FHL2: variants seen among roughly 807,000 people sequenced by gnomAD.
The protein encoded by FHL2 is four and a half LIM domains protein 2.
A neutral mutation model predicts 32.7 loss-of-function variants in FHL2; 20 were observed. The observed-to-expected ratio is 0.61, with a 90% CI of 0.43 to 0.89. The LOEUF (loss-of-function observed/expected upper bound fraction) is 0.89. Among genes scored for constraint, FHL2 ranks in the 40% least tolerant of loss-of-function variants. The pLI, the probability that FHL2 is intolerant of heterozygous loss-of-function variation, is 0.00. For synonymous variants in FHL2, 123 were observed against 128.1 expected (o/e 0.96, Z 0.27); for missense variants, 311 against 358.6 (o/e 0.87, Z 1.07).
chr2:105,432,534 T>C (rs929436012), intron 1 of FHL2, among the ~76,000 whole-genome samples: 4 of 152,238 alleles, frequency 2.6e-5, no homozygotes, highest in African/African-American at 9.6e-5. Flanking sequence ...TATTACAGTT[T>C]CCTAGTAAGT....
intron 1 of FHL2, among the ~76,000 whole-genome samples, chr2:105,425,212 T>C (rs546084256): frequency 7.7e-6 from 1 of 130,612 alleles, no homozygotes; most frequent in African/African-American, 3.2e-5. Context: ...CACAAAAACA[T>C]GTGTTGTATA....
intron 5 of FHL2, among the ~76,000 whole-genome samples, chr2:105,364,011 C>A (rs1210538886): frequency 6.6e-6 from 1 of 152,294 alleles, no homozygotes; most frequent in Admixed American, 6.5e-5. Flanking sequence ...AATCTCAGGA[C>A]TTTGGGAGGC....
chr2:105,381,325 G>T (rs546542954), intron 3 of FHL2, among the ~76,000 whole-genome samples: 1 of 152,106 alleles, frequency 6.6e-6, no homozygotes, highest in Non-Finnish European at 1.5e-5. Flanking sequence ...CACTGTGTTG[G>T]CATGTCACAG....
At position 105,373,653 on chromosome 2, in the gene FHL2, G is replaced by C. The variant is rs940728208; in HGVS notation, c.237C>G (p.Pro79=). 1.2e-6 allele frequency: 2 copies of C among 1,614,228 alleles called. No individual in the cohort carries two copies. Among genetic ancestry groups the C allele is most frequent in the African/African-American group, 2.7e-5 (2 of 75,064 alleles). The change falls in exon 4 of 7, where the codon CCC becomes CCG. Residue 79 remains proline (P), a synonymous_variant. Transcript: ENST00000530340. ...SQCRNSLVDK[P]FAAKEDQLLC... is the part of the protein sequence containing the mutation. ...GCAGCTGGTCCTCCTTGGCAGCAAAGGGCTTGTCCACCAGTGAGTTTCTGC... is the reference window on the plus strand; with the variant it reads ...GCAGCTGGTCCTCCTTGGCAGCAAACGGCTTGTCCACCAGTGAGTTTCTGC...
chr2:105,411,922 C>T (rs1478542122), intron 1 of FHL2, among the ~76,000 whole-genome samples: 1 of 152,094 alleles, frequency 6.6e-6, no homozygotes, highest in African/African-American at 2.4e-5. Context: ...TGCTAAGTGA[C>T]TCATCCTCAC....
At chr2:105,402,531 G>A (rs757550649), upstream of FHL2, among the ~76,000 whole-genome samples, 6 of 151,994 alleles carry the variant, frequency 3.9e-5, no homozygotes, top group Non-Finnish European at 5.9e-5. Context: ...AGGCGTGGGC[G>A]ACCATGCCTG....
intron 3 of FHL2, among the ~76,000 whole-genome samples, chr2:105,381,872 T>C (rs6543289): frequency 0.73 from 110,212 of 151,822 alleles, 40,381 homozygotes; most frequent in Admixed American, 0.8. Flanking sequence ...CTGGAGTAGG[T>C]GCTCTTCCCA....
chr2:105,389,165 C>G (rs78356553), intron 2 of FHL2, among the ~76,000 whole-genome samples: 1,547 of 152,324 alleles, frequency 0.01, 34 homozygotes, highest in African/African-American at 0.035. Flanking sequence ...CCTTCTAAAT[C>G]ACTCTTCCTG....
intron 1 of FHL2, among the ~76,000 whole-genome samples, chr2:105,427,074 G>A (rs966152839): frequency 6.6e-6 from 1 of 152,144 alleles, no homozygotes; most frequent in East Asian, 1.9e-4. Context: ...GCCGCCCTTG[G>A]CACTGTAAGA....
intron 1 of FHL2, among the ~76,000 whole-genome samples, chr2:105,411,602 G>A (rs1683794885): frequency 7.1e-6 from 1 of 140,160 alleles, no homozygotes; most frequent in Admixed American, 7.7e-5. Flanking sequence ...CACTTTGGTA[G>A]GCCGAGGCGG....
At chr2:105,430,625 G>T (rs539870250) in intron 1 of FHL2, among the ~76,000 whole-genome samples, 2 of 152,148 alleles carry the variant, frequency 1.3e-5, no homozygotes, top group Admixed American at 6.5e-5. Context: ...CTGAGATCGC[G>T]CCACTGCACT....
At chr2:105,401,103 C>A (rs1326501643), upstream of FHL2, among the ~76,000 whole-genome samples, 64 of 128,948 alleles carry the variant, frequency 5.0e-4, no homozygotes, top group African/African-American at 1.8e-3. Context: ...GGATTCTAAT[C>A]AAAGAATAAA....
rs1351437473 is a variant in FHL2 at position 105,365,250 on chromosome 2, G to A, written c.502-1779C>T. On this transcript the variant is annotated intron_variant, in intron 5 of 6. Transcript: ENST00000530340. ...AGCACACTGCTCAGTAACTACTGACGGGTTTGACACTGGAGTGTACTTCCA... is the reference window on the plus strand; with the variant it reads ...AGCACACTGCTCAGTAACTACTGACAGGTTTGACACTGGAGTGTACTTCCA... Among the ~76,000 whole-genome samples the A allele has an allele frequency of 3.9e-5, 6 of 152,286 alleles. No homozygotes were observed. The South Asian group carries it at 6.2e-4, about 16-fold the overall frequency.
chr2:105,404,192 A>T (rs1022162779), upstream of FHL2, among the ~76,000 whole-genome samples: 2 of 152,202 alleles, frequency 1.3e-5, no homozygotes, highest in Admixed American at 6.5e-5. Flanking sequence ...TGCCATCAAG[A>T]TTGTTAAGCA....
intron 2 of FHL2, among the ~76,000 whole-genome samples, chr2:105,391,607 C>T (rs778910262): frequency 3.3e-5 from 5 of 152,126 alleles, no homozygotes; most frequent in East Asian, 3.9e-4. Flanking sequence ...AGTGGAGAAA[C>T]GGACAGCCCA....
chr2:105,375,488 AT>A (rs1681407584), intron 3 of FHL2: 2 of 152,396 alleles, frequency 1.3e-5, no homozygotes, highest in Admixed American at 6.5e-5. Flanking sequence ...AAATACAAAC[AT>A]TAGCCGGGCG....
At chr2:105,408,169 G>T (rs1683692447) in intron 1 of FHL2, among the ~76,000 whole-genome samples, 1 of 152,138 alleles carries the variant, frequency 6.6e-6, no homozygotes, top group East Asian at 1.9e-4. Context: ...GTGTGCTTTT[G>T]CTAGGCAGCC....
intron 1 of FHL2, among the ~76,000 whole-genome samples, chr2:105,428,256 C>T (rs1043004072): frequency 3.9e-5 from 6 of 152,174 alleles, no homozygotes; most frequent in African/African-American, 7.2e-5. Context: ...AAGGGCGGCC[C>T]GTGCCACCCA....
At position 105,375,602 on chromosome 2, in the gene FHL2, C is replaced by G. The variant is rs114099168; in HGVS notation, c.157-1869G>C. 633 of 152,444 alleles carry G rather than the reference C, an allele frequency of 4.2e-3. 3 individuals carry two copies. Among genetic ancestry groups the G allele is most frequent in the Non-Finnish European group, 7.9e-3 (538 of 68,154 alleles). 9.4% of individuals were successfully genotyped at this position (152,444 alleles called of 1,614,324 possible). A position where few individuals can be genotyped will look rare whatever the true frequency, so the allele number is the denominator to read the frequency against. Reference sequence around the variant, plus strand: ...GCACAGCCTTGGTGACAGAAGGAGACTCAGTCTCAAAACAAAAGGAATGAA... The same window carrying G: ...GCACAGCCTTGGTGACAGAAGGAGAGTCAGTCTCAAAACAAAAGGAATGAA... On this transcript the variant is annotated intron_variant, in intron 3 of 6. Transcript: ENST00000530340.
Sources: allele counts gnomAD v4.1 joint callset (sites outside exome capture counted in the v4.1 genomes callset), GRCh38; gene constraint gnomAD v4.1.1; transcripts MANE v1.5; gene names NCBI Gene and HGNC (gene_info 2026-07-23, HGNC 2026-07-21).